The following SNRPA1 variants were observed in gnomAD, a reference collection of about 807,000 sequenced individuals.
SNRPA1 encodes U2 small nuclear ribonucleoprotein A'.
SNRPA1 carries 5 observed loss-of-function variants against 32.3 expected under a neutral mutation model. That is an observed-to-expected ratio of 0.15 (90% CI 0.08 to 0.33). SNRPA1 has a LOEUF of 0.33. Among genes scored for constraint, SNRPA1 ranks in the 10% least tolerant of loss-of-function variants. The probability of loss-of-function intolerance (pLI) is 1.00; values close to 1 mark genes in which losing one functional copy is unlikely to be tolerated. For missense variants in SNRPA1, 198 were observed against 311.1 expected (o/e 0.64, Z 2.74); for synonymous variants, 111 against 120.1 (o/e 0.92, Z 0.50).
intron 1 of SNRPA1, chr15:101,294,850 G>A (rs2039570106): frequency 4.9e-6 from 2 of 407,964 alleles, no homozygotes; most frequent in African/African-American, 4.1e-5. Flanking sequence ...GGACGCACCA[G>A]GAAGTAATGA....
intron 1 of SNRPA1, 96 bp from the exon 2 acceptor site, chr15:101,293,268 C>T (rs1456414663): frequency 1.2e-6 from 1 of 840,642 alleles, no homozygotes; most frequent in Non-Finnish European, 1.8e-6. Context: ...TGACTCCAGG[C>T]TTTGATTTAT....
In SNRPA1 at chr15:101,284,898, C is replaced by T. The variant is rs559462504; in HGVS notation, c.709+69G>A. On this transcript the variant is annotated intron_variant, in intron 8 of 8. Transcript: ENST00000254193. ...CTCTGGCATTCCAGAGTCATGGCAT[C>T]TAAATGGTTGTGAGTTACACTCTGA... is the stretch of plus-strand genomic sequence containing the variant. 919 of 1,163,896 alleles carry T rather than the reference C, an allele frequency of 7.9e-4. 1 individual carries two copies. Among genetic ancestry groups the T allele is most frequent in the Non-Finnish European group, 9.9e-4 (765 of 774,016 alleles). The allele number at this position is 1,163,896 out of a possible 1,614,324, so 72.1% of individuals were successfully genotyped here.
chr15:101,285,283 A>C (rs1232851920), intron 7 of SNRPA1, among the ~76,000 whole-genome samples: 1 of 152,218 alleles, frequency 6.6e-6, no homozygotes, highest in Admixed American at 6.5e-5. Context: ...CCTTCTTATA[A>C]ATAATCACTC....
At chr15:101,286,697 T>G (rs2039458851) in intron 5 of SNRPA1, 2 of 504,634 alleles carry the variant, frequency 4.0e-6, no homozygotes, top group South Asian at 5.0e-5. Flanking sequence ...AACTTCGGAA[T>G]AGCCAGCATT....
intron 8 of SNRPA1, among the ~76,000 whole-genome samples, chr15:101,282,415 G>A (rs574801672): frequency 1.3e-5 from 2 of 152,110 alleles, no homozygotes; most frequent in Non-Finnish European, 2.9e-5. Context: ...TTGATTGACG[G>A]GCATGAAGAA....
rs1314344421 is a variant in SNRPA1 at position 101,295,129 on chromosome 15, T to C, written c.50A>G (p.Asn17Ser). The change falls in exon 1 of 9, where the codon AAC (asparagine) becomes AGC (serine). Residue 17 changes from asparagine to serine, a missense_variant. By Grantham distance (46) the Asn-to-Ser change is conservative. Around this residue, in one of 3 missense-constraint regions of SNRPA1, gnomAD observed 119 missense variants for 171.6 expected, o/e 0.69. Coordinates refer to ENST00000254193, the MANE Select transcript of SNRPA1 (RefSeq NM_003090.4). ...GTCCAGCTCCCGGTCGCGCACCGCG[T>C]TGGTGTACTGCGCCGCCTGCTCGAT... is the stretch of plus-strand genomic sequence containing the variant. ...ELIEQAAQYT[N>S]AVRDRELDLR... is the part of the protein sequence containing the mutation. 14 of 1,553,086 alleles carry C rather than the reference T, an allele frequency of 9.0e-6. No individual in the cohort carries two copies. Among genetic ancestry groups the C allele is most frequent in the African/African-American group, 1.4e-5 (1 of 70,624 alleles).
At position 101,283,954 on chromosome 15, in the gene SNRPA1, A is replaced by C. The variant is rs909330228; in HGVS notation, c.709+1013T>G. Among the ~76,000 whole-genome samples, 5 of 152,262 alleles carry C rather than the reference A, an allele frequency of 3.3e-5. 1 individual carries two copies. The highest frequency in any genetic ancestry group is 3.3e-4 in the Admixed American group (5 of 15,284). ...AAACTCCGACTCAAAAAGGAAAAAAATGTCTTTTTAATTTTTAGCTCCCAG... is the reference window on the plus strand; with the variant it reads ...AAACTCCGACTCAAAAAGGAAAAAACTGTCTTTTTAATTTTTAGCTCCCAG... On this transcript the variant is annotated intron_variant, in intron 8 of 8. Transcript: ENST00000254193.
chr15:101,293,367 A>G (rs1161272811), intron 1 of SNRPA1, 195 bp from the exon 2 acceptor site: 1 of 450,890 alleles, frequency 2.2e-6, no homozygotes, highest in Non-Finnish European at 4.0e-6. Context: ...ACGAGTCTCA[A>G]GTCCCCAGTG....
Position 101,284,909 on chromosome 15 carries a change from T to G in SNRPA1, c.709+58A>C, listed in dbSNP as rs777906894. Reference sequence around the variant, plus strand: ...CAGAGTCATGGCATCTAAATGGTTGTGAGTTACACTCTGAGTGTAACATTA... The same window carrying G: ...CAGAGTCATGGCATCTAAATGGTTGGGAGTTACACTCTGAGTGTAACATTA... On this transcript the variant is annotated intron_variant, in intron 8 of 8. Coordinates refer to ENST00000254193, the MANE Select transcript of SNRPA1 (RefSeq NM_003090.4). The G allele has an allele frequency of 1.1e-5, 14 of 1,285,088 alleles. No individual in the cohort carries two copies. The East Asian group carries it at 3.2e-4, about 30-fold the overall frequency. The allele number at this position is 1,285,088 out of a possible 1,614,324, so 79.6% of individuals were successfully genotyped here. A position where few individuals can be genotyped will look rare whatever the true frequency, so the allele number is the denominator to read the frequency against.
intron 8 of SNRPA1, among the ~76,000 whole-genome samples, chr15:101,284,529 A>G (rs1485034942): frequency 1.5e-5 from 2 of 137,636 alleles, no homozygotes; most frequent in Non-Finnish European, 1.6e-5. Flanking sequence ...TTTGAGCTGC[A>G]GTTTTGCTCG....
Position 101,295,198 on chromosome 15 carries a change from C to T in SNRPA1, c.-20G>A, listed in dbSNP as rs2039575553. ...GACCATCCTGCAGCCTCCCGTTCCC[C>T]CGCGCTGTGGAAAGCCCGTGGCCTC... On this transcript the variant is annotated 5_prime_UTR_variant, in exon 1 of 9. Coordinates refer to ENST00000254193, the MANE Select transcript of SNRPA1 (RefSeq NM_003090.4). 28 of 1,524,850 alleles carry T rather than the reference C, an allele frequency of 1.8e-5. No homozygotes were observed. The highest frequency in any genetic ancestry group is 2.5e-5 in the Non-Finnish European group (28 of 1,138,748). 94.5% of individuals were successfully genotyped at this position (1,524,850 alleles called of 1,614,324 possible).
intron 1 of SNRPA1, among the ~76,000 whole-genome samples, chr15:101,293,833 C>T (rs1322075141): frequency 6.6e-6 from 1 of 152,080 alleles, no homozygotes; most frequent in Admixed American, 6.5e-5. Flanking sequence ...AAGAACTTAC[C>T]CAAAGTTAAA....
At chr15:101,292,921 A>C in intron 2 of SNRPA1, 104 bp downstream of exon 2, 3 of 626,814 alleles carry the variant, frequency 4.8e-6, no homozygotes, top group Non-Finnish European at 7.4e-6. Flanking sequence ...GAAAAAGAAA[A>C]AGAAACATGT....
chr15:101,288,546 T>G (rs1378848548), intron 3 of SNRPA1: 1 of 151,850 alleles, frequency 6.6e-6, no homozygotes, highest in East Asian at 1.9e-4. Flanking sequence ...CCACGCCCAG[T>G]GGGCAGGGTG....
At chr15:101,284,928 A>G in intron 8 of SNRPA1, 39 bp downstream of exon 8, 1 of 1,468,160 alleles carries the variant, frequency 6.8e-7, no homozygotes, top group Non-Finnish European at 9.5e-7. Context: ...CTCTGAGTGT[A>G]ACATTAATTT....
chr15:101,285,836 G>A (rs781394930), intron 6 of SNRPA1, 35 bp from the exon 7 acceptor site: 3 of 1,531,028 alleles, frequency 2.0e-6, no homozygotes, highest in Non-Finnish European at 2.7e-6. Context: ...GTTAGACCTA[G>A]ACCAACAGAA....
intron 2 of SNRPA1, among the ~76,000 whole-genome samples, chr15:101,292,388 C>T (rs1205230235): frequency 1.3e-5 from 2 of 152,178 alleles, no homozygotes; most frequent in Non-Finnish European, 2.9e-5. Context: ...GTACAAGACA[C>T]AACAACTATA....
chr15:101,295,020 G>T, intron 1 of SNRPA1, 77 bp downstream of exon 1: 5 of 976,722 alleles, frequency 5.1e-6, no homozygotes, highest in Non-Finnish European at 7.1e-6. Flanking sequence ...TCCGGCCTTC[G>T]GTGCACGCGG....
Position 101,281,754 on chromosome 15 carries a change from C to G in SNRPA1, c.738G>C (p.Met246Ile). 6.2e-7 allele frequency: 1 copy of G among 1,614,024 alleles called. No individual in the cohort carries two copies. Among genetic ancestry groups the G allele is most frequent in the Non-Finnish European group, 8.5e-7 (1 of 1,179,882 alleles). Residue 246 changes from methionine to isoleucine, a missense_variant, in exon 9 of 9, where the codon ATG becomes ATC. Met to Ile is a conservative substitution (Grantham distance 10). Around this residue, in one of 3 missense-constraint regions of SNRPA1, gnomAD observed 77 missense variants for 120.1 expected, o/e 0.64. Transcript: ENST00000254193. ...ACCCGTTTGTGACTGTGTCTTCTTC[C>G]ATCTCTTCTTCACCATCATCAGTGG... is the stretch of plus-strand genomic sequence containing the variant. ...SGPTDDGEEEMEEDTVTNGS is the reference protein window; with the variant it reads ...SGPTDDGEEEIEEDTVTNGS
Sources: allele counts gnomAD v4.1 joint callset (sites outside exome capture counted in the v4.1 genomes callset), GRCh38; gene constraint gnomAD v4.1.1; regional missense constraint gnomAD v4.1.1; transcripts MANE v1.5; gene names NCBI Gene and HGNC (gene_info 2026-07-23, HGNC 2026-07-21).